MED12L: variants seen among roughly 807,000 people sequenced by gnomAD.
MED12L encodes mediator complex subunit 12L.
A neutral mutation model predicts 281.3 loss-of-function variants in MED12L; 60 were observed. That is an observed-to-expected ratio of 0.21 (90% confidence interval 0.17 to 0.26). MED12L has a LOEUF of 0.26. MED12L is among the 10% of genes least tolerant of loss of function. The pLI, the probability that MED12L is intolerant of heterozygous loss-of-function variation, is 1.00. For synonymous variants in MED12L, 974 were observed against 987.2 expected (o/e 0.99, Z 0.25); for missense variants, 2,146 against 2,680.9 (o/e 0.80, Z 4.41).
intron 16 of MED12L, among the ~76,000 whole-genome samples, chr3:151,298,498 A>G (rs181427202): frequency 2.1e-3 from 322 of 152,332 alleles, no homozygotes; most frequent in Middle Eastern, 0.01. Context: ...TCTGGATTGT[A>G]TAGTGCAGGG....
At position 151,138,430 on chromosome 3, in the gene MED12L, A is replaced by T. The variant is rs187323355; in HGVS notation, c.556+10446A>T. ...TTTGCATTAATATGATACATTTATT[A>T]TAATTAATGAACCAATATTGATTAT... On this transcript the variant is annotated intron_variant, in intron 5 of 44. Coordinates refer to ENST00000687756, the MANE Select transcript of MED12L (RefSeq NM_001393769.1). Among the ~76,000 whole-genome samples the T allele has an allele frequency of 2.0e-5, 3 of 152,380 alleles. No homozygotes were observed. The East Asian group carries it at 5.8e-4, about 29-fold the overall frequency.
At position 151,199,672 on chromosome 3, in the gene MED12L, A is replaced by G. The variant is rs528621373; in HGVS notation, c.2250+6006A>G. ...CCATGCAGGTTTGCTTTTGGTAGGG[A>G]TATTTTCAACCTCAGGTTTTTCCAT... On this transcript the variant is annotated intron_variant, in intron 16 of 44. Transcript: ENST00000687756. 5.3e-5 allele frequency among the ~76,000 whole-genome samples: 8 copies of G among 151,728 alleles called. No individual in the cohort carries two copies. In the East Asian group the frequency reaches 1.4e-3, roughly 26 times the overall value.
At chr3:151,374,859 T>G (rs561287629) in intron 27 of MED12L, among the ~76,000 whole-genome samples, 9 of 152,308 alleles carry the variant, frequency 5.9e-5, no homozygotes, top group African/African-American at 1.9e-4. Context: ...CCCATATCCC[T>G]CTTACCAGAT....
At chr3:151,106,159 A>G (rs1414232600) in intron 2 of MED12L, among the ~76,000 whole-genome samples, 2 of 151,842 alleles carry the variant, frequency 1.3e-5, no homozygotes, top group Non-Finnish European at 2.9e-5. Context: ...TACTCCAGTC[A>G]GTTGTCCACA....
rs943015270 is a variant in MED12L at position 151,349,870 on chromosome 3, T to A, written c.2251-189T>A. Among the ~76,000 whole-genome samples the A allele has an allele frequency of 9.5e-5, 14 of 147,410 alleles. No individual in the cohort carries two copies. The Middle Eastern group carries it at 0.01, about 109-fold the overall frequency. Reference sequence around the variant, plus strand: ...GTTGACACTTTTTTTTTTTTTTTTATAATGTTAGCAAGTTCCAAACTGGAA... The same window carrying A: ...GTTGACACTTTTTTTTTTTTTTTTAAAATGTTAGCAAGTTCCAAACTGGAA... On this transcript the variant is annotated intron_variant, in intron 16 of 44. Transcript: ENST00000687756.
intron 26 of MED12L, among the ~76,000 whole-genome samples, chr3:151,371,644 A>C (rs894792155): frequency 1.3e-5 from 2 of 152,138 alleles, no homozygotes; most frequent in African/African-American, 4.8e-5. Flanking sequence ...TGTTTTGCCC[A>C]CTTGCTGCAA....
chr3:151,115,192 C>A (rs1712532943), intron 2 of MED12L, among the ~76,000 whole-genome samples: 1 of 152,084 alleles, frequency 6.6e-6, no homozygotes, highest in African/African-American at 2.4e-5. Context: ...TGCCTAGGAA[C>A]CTTTTGTTTC....
At chr3:151,111,417 G>A (rs754273421) in intron 2 of MED12L, among the ~76,000 whole-genome samples, 13 of 152,064 alleles carry the variant, frequency 8.5e-5, no homozygotes, top group Admixed American at 2.0e-4. Context: ...TACTATCCCC[G>A]TTTTACAATT....
intron 41 of MED12L, among the ~76,000 whole-genome samples, chr3:151,412,408 G>A (rs1199915357): frequency 6.6e-6 from 1 of 152,162 alleles, no homozygotes; most frequent in Non-Finnish European, 1.5e-5. Context: ...AGAAAACATT[G>A]CAGCCATCAT....
intron 11 of MED12L, among the ~76,000 whole-genome samples, chr3:151,170,512 G>T (rs537553531): frequency 1.5e-3 from 230 of 152,000 alleles, no homozygotes; most frequent in Non-Finnish European, 2.3e-3. Flanking sequence ...TTGACCTCGT[G>T]ATCCACCCAC....
chr3:151,242,092 A>T (rs1734249203), intron 16 of MED12L, among the ~76,000 whole-genome samples: 3 of 152,184 alleles, frequency 2.0e-5, no homozygotes, highest in African/African-American at 7.2e-5. Flanking sequence ...GCACCACGAG[A>T]TTATATCCCG....
intron 16 of MED12L, chr3:151,295,163 T>G (rs1313698211): frequency 3.1e-6 from 5 of 1,612,734 alleles, no homozygotes. Flanking sequence ...TCCTGGCCCG[T>G]CGCTCCTGTT....
Position 151,122,905 on chromosome 3 carries a change from C to A in MED12L, c.327C>A (p.Ser109=). The A allele has an allele frequency of 6.2e-7, 1 of 1,612,758 alleles. No homozygotes were observed. The highest frequency in any genetic ancestry group is 8.5e-7 in the Non-Finnish European group (1 of 1,179,440). The stretch of plus-strand genomic sequence containing the variant: ...ATTATTGGCTGGTTACTGCTCGATC[C>A]CAGAGTGCAATTCATAGTTGGTTTT... ...KDNYWLVTAR[S]QSAIHSWFSD... Residue 109 remains serine, a synonymous_variant, in exon 4 of 45, where the codon TCC becomes TCA. Coordinates refer to ENST00000687756, the MANE Select transcript of MED12L (RefSeq NM_001393769.1).
At chr3:151,118,837 G>C (rs753742666) in intron 3 of MED12L, among the ~76,000 whole-genome samples, 1 of 151,906 alleles carries the variant, frequency 6.6e-6, no homozygotes, top group South Asian at 2.1e-4. Flanking sequence ...GGCTGCACCC[G>C]CCTCCACACC....
At chr3:151,402,173 T>C (rs1715769606) in intron 39 of MED12L, among the ~76,000 whole-genome samples, 1 of 152,232 alleles carries the variant, frequency 6.6e-6, no homozygotes, top group South Asian at 2.1e-4. Flanking sequence ...ATGCTTTTTC[T>C]ATTATTGGTG....
intron 16 of MED12L, among the ~76,000 whole-genome samples, chr3:151,322,554 A>G (rs538577594): frequency 1.3e-5 from 2 of 151,806 alleles, no homozygotes; most frequent in African/African-American, 2.4e-5. Context: ...GGTTGCTTCT[A>G]CTTCCTCACT....
At chr3:151,337,546 C>T (rs1751177231) in intron 16 of MED12L, 2 of 357,270 alleles carry the variant, frequency 5.6e-6, no homozygotes, top group East Asian at 1.0e-4. Context: ...CTCTGCAAAA[C>T]ATGAATTCTG....
At chr3:151,199,180 C>T (rs756754600) in intron 16 of MED12L, 3 of 1,614,178 alleles carry the variant, frequency 1.9e-6, no homozygotes, top group Non-Finnish European at 2.5e-6. Context: ...CAACAATTTT[C>T]ACTGGTAATG....
Position 151,387,953 on chromosome 3 carries a change from CCTG to C in MED12L, c.5236_5238del (p.Leu1746del). Reference sequence around the variant, plus strand: ...TCAAGTACGAGGAGCAGCATCACCTCCTGCTGTATCACACACACCCCATGCCCA... The same window carrying C: ...TCAAGTACGAGGAGCAGCATCACCTCCTGTATCACACACACCCCATGCCCA... On this transcript the variant is annotated inframe_deletion, in exon 37 of 45. Transcript: ENST00000687756. 6.2e-7 allele frequency: 1 copy of C among 1,614,044 alleles called. No homozygotes were observed. The highest frequency in any genetic ancestry group is 8.5e-7 in the Non-Finnish European group (1 of 1,180,008).
Sources: allele counts gnomAD v4.1 joint callset (sites outside exome capture counted in the v4.1 genomes callset), GRCh38; gene constraint gnomAD v4.1.1; transcripts MANE v1.5; gene names NCBI Gene and HGNC (gene_info 2026-07-23, HGNC 2026-07-21).